The following EXOC4 variants were observed in gnomAD, a reference collection of about 807,000 sequenced individuals.
EXOC4 encodes exocyst complex component 4.
In EXOC4, 71 loss-of-function variants were observed where a neutral mutation model predicts 107.2. The observed-to-expected ratio is 0.66, with a 90% CI of 0.55 to 0.81. EXOC4 has a LOEUF of 0.81. Ranked by LOEUF, EXOC4 falls within the 30% of genes least tolerant of loss-of-function variation. The pLI is 0.00. For missense variants in EXOC4, 1,108 were observed against 1,189.6 expected (o/e 0.93, Z 1.01); for synonymous variants, 456 against 441.2 (o/e 1.03, Z -0.42).
chr7:133,969,281 G>C (rs973893799), intron 14 of EXOC4, among the ~76,000 whole-genome samples: 1 of 151,958 alleles, frequency 6.6e-6, no homozygotes, highest in Non-Finnish European at 1.5e-5. Context: ...CATTGGGTTA[G>C]AACATGCTAC....
intron 17 of EXOC4, among the ~76,000 whole-genome samples, chr7:134,025,577 G>A (rs980786134): frequency 2.0e-5 from 3 of 152,192 alleles, no homozygotes; most frequent in Admixed American, 6.5e-5. Flanking sequence ...TGGAGCATCC[G>A]GAATGGCTTG....
In EXOC4 at chr7:133,601,225, T is replaced by C. The variant is rs73446937; in HGVS notation, c.1418-28820T>C. Among the ~76,000 whole-genome samples the C allele has an allele frequency of 9.5e-3, 1,449 of 152,282 alleles. 30 individuals are homozygous for C. Among genetic ancestry groups the C allele is most frequent in the African/African-American group, 0.033 (1,390 of 41,540 alleles). On this transcript the variant is annotated intron_variant, in intron 9 of 17. Coordinates refer to ENST00000253861, the MANE Select transcript of EXOC4 (RefSeq NM_021807.4). ...ATTGAAATGCTGGATTTTGTTGTTT[T>C]ATTGGTGTCCTTTGGCTTGGCATAC...
chr7:134,099,261 G>A, the EXOC4 span, among the ~76,000 whole-genome samples: 1 of 152,112 alleles, frequency 6.6e-6, no homozygotes, highest in Non-Finnish European at 1.5e-5. Context: ...TGGCATTTGA[G>A]AAAACAGCAG....
intron 1 of EXOC4, among the ~76,000 whole-genome samples, chr7:133,256,047 T>G (rs1795010339): frequency 1.3e-5 from 2 of 151,574 alleles, no homozygotes; most frequent in Admixed American, 1.3e-4. Flanking sequence ...AGTGGCGCAA[T>G]CTTGGCTCAC....
intron 7 of EXOC4, among the ~76,000 whole-genome samples, chr7:133,439,533 T>G (rs1366457323): frequency 6.6e-6 from 1 of 152,098 alleles, no homozygotes; most frequent in Non-Finnish European, 1.5e-5. Context: ...CCTCCCAACT[T>G]CAGAGATGTT....
intron 7 of EXOC4, among the ~76,000 whole-genome samples, chr7:133,433,798 C>G (rs545638764): frequency 9.2e-5 from 14 of 152,250 alleles, no homozygotes; most frequent in African/African-American, 3.4e-4. Flanking sequence ...ATTGAAAGCT[C>G]ACTTTAAAGA....
At chr7:134,009,678 T>C (rs1184052214) in intron 17 of EXOC4, among the ~76,000 whole-genome samples, 2 of 152,212 alleles carry the variant, frequency 1.3e-5, no homozygotes, top group South Asian at 2.1e-4. Flanking sequence ...CTAGTCATAA[T>C]AACATTGACA....
At chr7:133,286,142 A>G (rs1204535759) in intron 2 of EXOC4, among the ~76,000 whole-genome samples, 1 of 152,154 alleles carries the variant, frequency 6.6e-6, no homozygotes, top group Admixed American at 6.5e-5. Context: ...TGGAACTCCT[A>G]TCTGGTAAGT....
intron 9 of EXOC4, among the ~76,000 whole-genome samples, chr7:133,533,489 G>A (rs543427890): frequency 2.0e-5 from 3 of 152,066 alleles, no homozygotes; most frequent in Middle Eastern, 3.2e-3. Flanking sequence ...TCAACAATGA[G>A]AATCTGGCTA....
At chr7:133,433,727 T>G (rs1797905635) in intron 7 of EXOC4, among the ~76,000 whole-genome samples, 1 of 152,220 alleles carries the variant, frequency 6.6e-6, no homozygotes, top group Non-Finnish European at 1.5e-5. Flanking sequence ...AGAACTTTAT[T>G]GTTCAATGGC....
intron 10 of EXOC4, among the ~76,000 whole-genome samples, chr7:133,764,176 T>C (rs1796090127): frequency 6.6e-6 from 1 of 152,020 alleles, no homozygotes; most frequent in Non-Finnish European, 1.5e-5. Context: ...TCCTCCCCAC[T>C]TTGCCTTCTG....
At chr7:133,830,467 G>T (rs1797786181) in intron 11 of EXOC4, among the ~76,000 whole-genome samples, 1 of 152,156 alleles carries the variant, frequency 6.6e-6, no homozygotes, top group South Asian at 2.1e-4. Flanking sequence ...CACATAGTAG[G>T]CACTTACTTG....
chr7:133,286,707 G>A (rs1794286498), intron 2 of EXOC4, among the ~76,000 whole-genome samples: 1 of 152,202 alleles, frequency 6.6e-6, no homozygotes, highest in East Asian at 1.9e-4. Context: ...TTGTGTTGGG[G>A]TGAAAAGTCA....
intron 9 of EXOC4, among the ~76,000 whole-genome samples, chr7:133,569,822 T>G (rs536022136): frequency 3.3e-5 from 5 of 152,200 alleles, no homozygotes; most frequent in Non-Finnish European, 7.4e-5. Flanking sequence ...CCAGGCTGCT[T>G]CCAGTGAATG....
In EXOC4 at chr7:133,317,266, GCTT is replaced by G. The variant is rs1795010214; in HGVS notation, c.657-14_657-12del. The stretch of plus-strand genomic sequence containing the variant: ...GGTTTTGAAGAAAGTGGTAACTAGT[GCTT>G]CTTTTCCCGTTCAGCTCCCTCGTGA... On this transcript the variant is annotated splice_polypyrimidine_tract_variant and intron_variant, in intron 4 of 17. Coordinates refer to ENST00000253861, the MANE Select transcript of EXOC4 (RefSeq NM_021807.4). 1 of 1,575,358 alleles carries G rather than the reference GCTT, an allele frequency of 6.3e-7. No homozygotes were observed. The highest frequency in any genetic ancestry group is 8.7e-7 in the Non-Finnish European group (1 of 1,145,264).
chr7:133,751,981 C>CTAAATAAATAAA (rs1562982742), intron 10 of EXOC4, among the ~76,000 whole-genome samples: 13 of 76,572 alleles, frequency 1.7e-4, no homozygotes, highest in Non-Finnish European at 2.7e-4. Flanking sequence ...TATCTCTCTA[C>CTAAATAAATAAA]CAAATAAATA....
chr7:133,295,374 G>T (rs1487317148), intron 3 of EXOC4, among the ~76,000 whole-genome samples: 1 of 152,058 alleles, frequency 6.6e-6, no homozygotes, highest in Non-Finnish European at 1.5e-5. Context: ...CAGATTATGT[G>T]TTATCAATTA....
At chr7:134,011,510 T>A (rs369691421) in intron 17 of EXOC4, among the ~76,000 whole-genome samples, 7 of 152,262 alleles carry the variant, frequency 4.6e-5, no homozygotes, top group African/African-American at 1.7e-4. Flanking sequence ...ATTTTGGTTT[T>A]TTTTGGACTG....
chr7:133,635,387 CT>C (rs1429192330), intron 10 of EXOC4, among the ~76,000 whole-genome samples: 1 of 152,066 alleles, frequency 6.6e-6, no homozygotes, highest in Non-Finnish European at 1.5e-5. Flanking sequence ...ATTTCTTATT[CT>C]TTATTCTCTC....
Sources: allele counts gnomAD v4.1 joint callset (sites outside exome capture counted in the v4.1 genomes callset), GRCh38; gene constraint gnomAD v4.1.1; transcripts MANE v1.5; gene names NCBI Gene and HGNC (gene_info 2026-07-23, HGNC 2026-07-21).